Variants in FOXN4 observed in about 807,000 individuals in gnomAD.
FOXN4 encodes forkhead box N4.
A neutral mutation model predicts 45.0 loss-of-function variants in FOXN4; 12 were observed. The ratio of observed to expected loss-of-function variants is 0.27; its 90% CI spans 0.17 to 0.43. The LOEUF is 0.43. FOXN4 is among the 20% of genes least tolerant of loss of function. The pLI, the probability that FOXN4 is intolerant of heterozygous loss-of-function variation, is 1.00. For synonymous variants in FOXN4, 297 were observed against 295.0 expected, an observed-to-expected ratio of 1.01 and a Z score of -0.07; for missense variants, 560 against 694.9, an observed-to-expected ratio of 0.81 and a Z score of 2.18.
intron 9 of FOXN4, 77 bp from the exon 10 acceptor site, chr12:109,280,007 G>A: frequency 1.3e-6 from 2 of 1,583,064 alleles, no homozygotes; most frequent in Non-Finnish European, 1.7e-6. Context: ...TCTTAGGGAA[G>A]AGGCAGAGAC....
At chr12:109,299,372 G>GCA (rs1031974849) in intron 2 of FOXN4, among the ~76,000 whole-genome samples, 11 of 152,010 alleles carry the variant, frequency 7.2e-5, no homozygotes, top group Admixed American at 7.2e-4. Context: ...ACACACACGT[G>GCA]CACACACACA....
chr12:109,290,341 G>A lies in FOXN4; in HGVS notation c.87-55C>T. On this transcript the variant is annotated intron_variant, in intron 2 of 9. Transcript: ENST00000299162. This position sits in a 1 kb window ranked among gnomAD's most constrained non-coding sequence, Gnocchi z 5.1. ...GAGGGGGAGCTTAGGCCAGCTCCTGGGGGTGCGTCCCGACCTCTGGAAGCA... is the reference window on the plus strand; with the variant it reads ...GAGGGGGAGCTTAGGCCAGCTCCTGAGGGTGCGTCCCGACCTCTGGAAGCA... The A allele has an allele frequency of 6.7e-7, 1 of 1,493,226 alleles. No homozygotes were observed. Among genetic ancestry groups the A allele is most frequent in the African/African-American group, 1.4e-5 (1 of 71,684 alleles). The allele number at this position is 1,493,226 out of a possible 1,614,324, so 92.5% of individuals were successfully genotyped here. A position where few individuals can be genotyped will look rare whatever the true frequency, so the allele number is the denominator to read the frequency against.
intron 2 of FOXN4, among the ~76,000 whole-genome samples, chr12:109,298,230 C>T (rs1014441940): frequency 5.3e-5 from 8 of 151,956 alleles, no homozygotes; most frequent in African/African-American, 7.3e-5. Flanking sequence ...GTGAGCCCCC[C>T]GTCCCAGACC....
intron 9 of FOXN4, 91 bp downstream of exon 9, chr12:109,281,316 C>T (rs1158180832): frequency 2.1e-6 from 3 of 1,445,732 alleles, no homozygotes; most frequent in Admixed American, 2.0e-5. Flanking sequence ...GGGGCAAATG[C>T]AGGCAGTACA....
chr12:109,305,175 C>T (rs1029062800), intron 2 of FOXN4, among the ~76,000 whole-genome samples: 2 of 152,124 alleles, frequency 1.3e-5, no homozygotes, highest in Admixed American at 6.6e-5. Context: ...TCCACTGTAC[C>T]CATGATGAGC....
intron 7 of FOXN4, 24 bp downstream of exon 7, chr12:109,286,624 C>CCTGGTCTGGACA: frequency 6.3e-7 from 1 of 1,590,380 alleles, no homozygotes; most frequent in East Asian, 2.3e-5. Context: ...AGCTCCAGCA[C>CCTGGTCTGGACA]CCCTACCCTA....
chr12:109,304,212 GAAAAGAAAGAGAAAGAAAGAAA>G (rs2047892224), intron 2 of FOXN4, among the ~76,000 whole-genome samples: 1 of 64,922 alleles, frequency 1.5e-5, no homozygotes, highest in South Asian at 4.6e-4. Flanking sequence ...AGAAAGAAAA[GAAAAGAAAGAGAAAGAAAGAAA>G]GAAAGAAAGA....
intron 2 of FOXN4, among the ~76,000 whole-genome samples, chr12:109,298,159 G>C (rs1036346993): frequency 6.6e-6 from 1 of 152,052 alleles, no homozygotes; most frequent in African/African-American, 2.4e-5. Flanking sequence ...CCACCAGCAA[G>C]GAGGTTGCAG....
intron 8 of FOXN4, among the ~76,000 whole-genome samples, chr12:109,282,657 G>C (rs1403759948): frequency 6.6e-6 from 1 of 152,186 alleles, no homozygotes; most frequent in Non-Finnish European, 1.5e-5. Flanking sequence ...TGCTACTAAA[G>C]AGACATTAAG....
chr12:109,286,547 TG>T, intron 7 of FOXN4, 100 bp downstream of exon 7: 1 of 1,143,546 alleles, frequency 8.7e-7, no homozygotes, highest in Non-Finnish European at 1.3e-6. Context: ...CAGACATAAC[TG>T]GGAACCAAAG....
chr12:109,305,364 G>C (rs2047911781), intron 2 of FOXN4, among the ~76,000 whole-genome samples: 1 of 148,496 alleles, frequency 6.7e-6, no homozygotes, highest in Non-Finnish European at 1.5e-5. Flanking sequence ...GAAACCACCA[G>C]CTGCTATTAT....
rs144688227 is a variant in FOXN4 at position 109,288,274 on chromosome 12, G to A, written c.233-94C>T. On this transcript the variant is annotated intron_variant, in intron 3 of 9. Transcript: ENST00000299162. The surrounding 1 kb of genome is among the most constrained non-coding windows in gnomAD (Gnocchi z 4.3). ...TGCCCAGGTGTCTCCGGAGAACGGAGCCAGCCCCTTTCCTCGGACCAGGCA... is the reference window on the plus strand; with the variant it reads ...TGCCCAGGTGTCTCCGGAGAACGGAACCAGCCCCTTTCCTCGGACCAGGCA... 9.5e-6 allele frequency: 14 copies of A among 1,474,766 alleles called. No homozygotes were observed. The East Asian group carries it at 3.5e-4, about 37-fold the overall frequency. The allele number at this position is 1,474,766 out of a possible 1,614,324, so 91.4% of individuals were successfully genotyped here.
rs2047632371 is a variant in FOXN4 at position 109,279,569 on chromosome 12, C to T, written c.*102G>A. The T allele has an allele frequency of 7.3e-6, 11 of 1,498,950 alleles. No individual in the cohort carries two copies. Among genetic ancestry groups the T allele is most frequent in the African/African-American group, 6.9e-5 (5 of 72,300 alleles). 92.9% of individuals were successfully genotyped at this position (1,498,950 alleles called of 1,614,324 possible). On this transcript the variant is annotated 3_prime_UTR_variant, in exon 10 of 10. Transcript: ENST00000299162. Reference sequence around the variant, plus strand: ...AACTTCGCCACAGGTCCAGGAGAGGCTTCGGGGACAATGAGGGACCTGCCT... The same window carrying T: ...AACTTCGCCACAGGTCCAGGAGAGGTTTCGGGGACAATGAGGGACCTGCCT...
intron 2 of FOXN4, among the ~76,000 whole-genome samples, chr12:109,304,227 GAAAGAAAGAAAGAAAGAA>G (rs2047893613): frequency 4.2e-5 from 1 of 23,848 alleles, no homozygotes; most frequent in African/African-American, 1.7e-4. Flanking sequence ...GAAAGAGAAA[GAAAGAAAGAAAGAAAGAA>G]AGAAAGAAAG....
chr12:109,303,258 A>G (rs905702663), intron 2 of FOXN4, among the ~76,000 whole-genome samples: 17 of 152,130 alleles, frequency 1.1e-4, no homozygotes, highest in African/African-American at 3.9e-4. Context: ...GGGTGAAGGG[A>G]TGGGAAGACA....
rs777185664 is a variant in FOXN4, at chr12:109,279,912, A to T, written c.1313T>A (p.Met438Lys). 1 of 1,613,922 alleles carries T rather than the reference A, an allele frequency of 6.2e-7. No individual in the cohort carries two copies. The highest frequency in any genetic ancestry group is 8.5e-7 in the Non-Finnish European group (1 of 1,179,856). ...FALQGNLWEE[M>K]KDEGFSLDTL... ...GTCCAAGCTGAATCCCTCATCCTTC[A>T]TCTCCTCCCACAGGTTCCCTTTCAA... The change falls in exon 10 of 10, where the codon ATG becomes AAG. Residue 438 changes from methionine (M) to lysine (K), a missense_variant. This residue lies in a region of FOXN4 where 315 missense variants were observed against 350.5 expected (regional missense o/e 0.90). Coordinates refer to ENST00000299162, the MANE Select transcript of FOXN4 (RefSeq NM_213596.3).
chr12:109,297,501 T>A (rs1383515878), intron 2 of FOXN4, among the ~76,000 whole-genome samples: 1 of 152,104 alleles, frequency 6.6e-6, no homozygotes, highest in East Asian at 1.9e-4. Context: ...CATGCCCAGC[T>A]CAGTCTTTGC....
Position 109,279,195 on chromosome 12 carries a change from G to C in FOXN4, c.*476C>G, listed in dbSNP as rs1200496198. On this transcript the variant is annotated 3_prime_UTR_variant, in exon 10 of 10. Coordinates refer to ENST00000299162, the MANE Select transcript of FOXN4 (RefSeq NM_213596.3). ...ATTTCCCGCCCTGGGCCTGTCCCCC[G>C]GAGGCTGCGGCTGAGGTTTGATCCA... The C allele has an allele frequency of 5.3e-6, 1 of 188,236 alleles. No individual in the cohort carries two copies. The highest frequency in any genetic ancestry group is 1.3e-4 in the East Asian group (1 of 7,822). 11.7% of individuals were successfully genotyped at this position (188,236 alleles called of 1,614,324 possible). A position where few individuals can be genotyped will look rare whatever the true frequency, so the allele number is the denominator to read the frequency against.
chr12:109,279,089 G>C lies in FOXN4; in HGVS notation c.*582C>G, dbSNP rs145781576. On this transcript the variant is annotated 3_prime_UTR_variant, in exon 10 of 10. Transcript: ENST00000299162. The stretch of plus-strand genomic sequence containing the variant: ...TCTAACAGACTATCGGAAAGGTGGG[G>C]CTGAAGGCCACCTGGACCGGCTCCC... 1.3e-5 allele frequency: 2 copies of C among 156,830 alleles called. No individual in the cohort carries two copies. Among genetic ancestry groups the C allele is most frequent in the Admixed American group, 1.2e-4 (2 of 16,538 alleles). 9.7% of individuals were successfully genotyped at this position (156,830 alleles called of 1,614,324 possible). A position where few individuals can be genotyped will look rare whatever the true frequency, so the allele number is the denominator to read the frequency against.
Sources: allele counts gnomAD v4.1 joint callset (sites outside exome capture counted in the v4.1 genomes callset), GRCh38; gene constraint gnomAD v4.1.1; regional missense constraint gnomAD v4.1.1; non-coding constraint Gnocchi (gnomAD v3.1); transcripts MANE v1.5; gene names NCBI Gene and HGNC (gene_info 2026-07-23, HGNC 2026-07-21).